SPATC1: variants seen among roughly 807,000 people sequenced by gnomAD.
SPATC1 encodes speriolin.
SPATC1 carries 35 observed loss-of-function variants against 36.5 expected under a neutral mutation model. That is an observed-to-expected ratio of 0.96 (90% CI 0.73 to 1.27). SPATC1 has a LOEUF of 1.27. Ranked by LOEUF, SPATC1 falls within the 50% of genes most tolerant of loss-of-function variation. The pLI is 0.00. For synonymous variants in SPATC1, 361 were observed against 353.6 expected (o/e 1.02, Z -0.24); for missense variants, 779 against 796.0 (o/e 0.98, Z 0.26).
At chr8:144,027,884 T>G (rs1834717518) in intron 1 of SPATC1, among the ~76,000 whole-genome samples, 1 of 151,844 alleles carries the variant, frequency 6.6e-6, no homozygotes, top group South Asian at 2.1e-4. Flanking sequence ...TCCCAGCTAC[T>G]CGGGAGGCTG....
In SPATC1 at chr8:144,026,660, T is replaced by C. The variant is rs971898376; in HGVS notation, c.212-13249T>C. On this transcript the variant is annotated intron_variant, in intron 1 of 4. Transcript: ENST00000377470. ...CATAACCATCCTAGTGGGTGTGAAG[T>C]GATATTCCAATGCAGTTTTGATTTG... Among the ~76,000 whole-genome samples the C allele has an allele frequency of 7.2e-4, 110 of 152,352 alleles. 2 individuals are homozygous for C. The South Asian group carries it at 0.023, about 31-fold the overall frequency.
rs1376060678 is a variant in SPATC1, at chr8:144,045,019, C to A, written c.1447-1608C>A. ...GCACTGCCATCCCCCAAGGTGGGGG[C>A]CCCTGCGTGCCCTGGTGCTCAGTGC... is the stretch of plus-strand genomic sequence containing the variant. On this transcript the variant is annotated intron_variant, in intron 4 of 4. Coordinates refer to ENST00000377470, the MANE Select transcript of SPATC1 (RefSeq NM_198572.3). This position sits in a 1 kb window ranked among gnomAD's most constrained non-coding sequence, Gnocchi z 5.2. 3.3e-5 allele frequency among the ~76,000 whole-genome samples: 5 copies of A among 152,224 alleles called. No individual in the cohort carries two copies. The highest frequency in any genetic ancestry group is 5.9e-5 in the Non-Finnish European group (4 of 68,028).
At chr8:144,019,334 G>A (rs1834457357) in intron 1 of SPATC1, among the ~76,000 whole-genome samples, 1 of 152,184 alleles carries the variant, frequency 6.6e-6, no homozygotes, top group Non-Finnish European at 1.5e-5. Flanking sequence ...AAATAAAGAG[G>A]CCAGTGGACT....
At chr8:144,026,964 C>G (rs1252556394) in intron 1 of SPATC1, among the ~76,000 whole-genome samples, 1 of 149,608 alleles carries the variant, frequency 6.7e-6, no homozygotes, top group Non-Finnish European at 1.5e-5. Flanking sequence ...CGCCCACCAC[C>G]ACGCCCTGCT....
At chr8:144,044,239 C>T (rs1835194891) in intron 4 of SPATC1, among the ~76,000 whole-genome samples, 1 of 152,016 alleles carries the variant, frequency 6.6e-6, no homozygotes, top group Non-Finnish European at 1.5e-5. Flanking sequence ...TGCAATCTCC[C>T]CACCCAGACC....
At chr8:144,019,897 C>T (rs1047344181) in intron 1 of SPATC1, among the ~76,000 whole-genome samples, 2 of 151,736 alleles carry the variant, frequency 1.3e-5, no homozygotes, top group Non-Finnish European at 2.9e-5. Context: ...GCCGCCTCGT[C>T]CTGCTCTCCC....
chr8:144,011,516 C>CA (rs1834282955), upstream of SPATC1, among the ~76,000 whole-genome samples: 1 of 152,036 alleles, frequency 6.6e-6, no homozygotes, highest in African/African-American at 2.4e-5. The surrounding 1 kb of genome is among the most constrained non-coding windows in gnomAD (Gnocchi z 4.5). Flanking sequence ...CTCCCTGCCC[C>CA]AAAAAGAGGT....
chr8:144,041,346 C>T lies in SPATC1; in HGVS notation c.1421C>T (p.Ser474Phe). Residue 474 changes from serine to phenylalanine, a missense_variant, in exon 4 of 5, where the codon TCC (serine) becomes TTC (phenylalanine). Physicochemically the swap from Ser to Phe is radical, Grantham distance 155. Transcript: ENST00000377470. The part of the protein sequence containing the change: ...ERVRLYGFTV[S>F]NIPEKIIQAS... ...GTACGGCTCTACGGCTTCACTGTCT[C>T]CAACATCCCAGAGAAGATCATCCAG... 1 of 1,611,296 alleles carries T rather than the reference C, an allele frequency of 6.2e-7. No homozygotes were observed. Among genetic ancestry groups the T allele is most frequent in the Non-Finnish European group, 8.5e-7 (1 of 1,180,008 alleles).
intron 1 of SPATC1, among the ~76,000 whole-genome samples, chr8:144,037,419 G>A (rs556627960): frequency 1.1e-4 from 17 of 152,084 alleles, no homozygotes; most frequent in Non-Finnish European, 1.8e-4. Context: ...GATGGTTGCC[G>A]TGTCTGTGTA....
intron 1 of SPATC1, among the ~76,000 whole-genome samples, chr8:144,025,499 T>A (rs1262976803): frequency 2.0e-5 from 3 of 152,190 alleles, no homozygotes; most frequent in Non-Finnish European, 4.4e-5. Context: ...AGCCTAAGAT[T>A]TTCAACTCAC....
In SPATC1 at chr8:144,024,918, C is replaced by T. The variant is rs1010136343; in HGVS notation, c.211+12192C>T. On this transcript the variant is annotated intron_variant, in intron 1 of 4. Transcript: ENST00000377470. ...GGTCCCTCTCCCTAAGGACCCTCTC[C>T]CCTCAGGACCCTCTTCCTTCAAGAT... 1.6e-3 allele frequency among the ~76,000 whole-genome samples: 14 copies of T among 9,004 alleles called. No individual in the cohort carries two copies. In the East Asian group the frequency reaches 0.033, roughly 21 times the overall value. The allele number at this position is 9,004 out of a possible 152,430, so 5.9% of individuals were successfully genotyped here. A position where few individuals can be genotyped will look rare whatever the true frequency, so the allele number is the denominator to read the frequency against.
chr8:144,013,981 G>A (rs540862216), intron 1 of SPATC1, among the ~76,000 whole-genome samples: 81 of 152,092 alleles, frequency 5.3e-4, no homozygotes, highest in African/African-American at 1.6e-3. Flanking sequence ...GCTGAGTGCA[G>A]TGGCTCAGCC....
chr8:144,011,891 C>A (rs182759377), upstream of SPATC1, among the ~76,000 whole-genome samples: 59 of 152,280 alleles, frequency 3.9e-4, no homozygotes, highest in East Asian at 0.01. The surrounding 1 kb of genome is among the most constrained non-coding windows in gnomAD (Gnocchi z 4.5). Context: ...GGGCGAGTGT[C>A]CAGGCCTTCA....
intron 4 of SPATC1, 28 bp downstream of exon 4, chr8:144,041,399 A>G: frequency 1.2e-6 from 2 of 1,600,658 alleles, no homozygotes; most frequent in African/African-American, 1.3e-5. Context: ...CTGCAGGGAC[A>G]GGGGGCAGGT....
chr8:144,021,283 T>TCTTCCCTGAGGAACTTCGTCCCTGAGGA (rs1834526752), intron 1 of SPATC1, among the ~76,000 whole-genome samples: 1 of 15,216 alleles, frequency 6.6e-5, no homozygotes, highest in Non-Finnish European at 1.4e-4. Context: ...TTCCCTCAGG[T>TCTTCCCTGAGGAACTTCGTCCCTGAGGA]CCCTCTCCCC....
At chr8:144,023,856 C>T (rs1360547955) in intron 1 of SPATC1, among the ~76,000 whole-genome samples, 2 of 148,838 alleles carry the variant, frequency 1.3e-5, no homozygotes, top group African/African-American at 5.0e-5. Context: ...CCTGAGGACA[C>T]TCTCTCTTCA....
At position 144,016,488 on chromosome 8, in the gene SPATC1, AG is replaced by A. The variant is rs1834396750; in HGVS notation, c.211+3766del. Among the ~76,000 whole-genome samples, 1 of 152,024 alleles carries A rather than the reference AG, an allele frequency of 6.6e-6. No homozygotes were observed. The highest frequency in any genetic ancestry group is 6.6e-5 in the Admixed American group (1 of 15,262). ...TGTGTGTGGTGTGTTCATGTGTGAC[AG>A]GGGCCAGGGAGAGGTGAAAAATGCA... On this transcript the variant is annotated intron_variant, in intron 1 of 4. Transcript: ENST00000377470. The surrounding 1 kb of genome is among the most constrained non-coding windows in gnomAD (Gnocchi z 4.5).
At chr8:144,026,418 A>G (rs2133118618) in intron 1 of SPATC1, among the ~76,000 whole-genome samples, 1 of 152,226 alleles carries the variant, frequency 6.6e-6, no homozygotes, top group East Asian at 1.9e-4. Flanking sequence ...ATGAACATTC[A>G]TGTACAGATT....
chr8:144,012,774 A>T (rs1554752656), intron 1 of SPATC1, 48 bp downstream of exon 1: 1 of 1,540,838 alleles, frequency 6.5e-7, no homozygotes, highest in Non-Finnish European at 8.8e-7. Context: ...TGGGGACTGC[A>T]CCAGAGAGGA....
Sources: gnomAD v4.1 joint callset for allele counts (sites outside exome capture counted in the v4.1 genomes callset) on GRCh38, gnomAD v4.1.1 for gene constraint, Gnocchi (gnomAD v3.1) non-coding constraint, MANE v1.5 for transcripts, NCBI Gene and HGNC (gene_info 2026-07-23, HGNC 2026-07-21) for gene names.